RNLS: variants seen among roughly 807,000 people sequenced by gnomAD.
RNLS encodes the protein renalase, FAD dependent amine oxidase, also known as renalase.
Under a neutral mutation model 39.8 loss-of-function variants are expected in RNLS, and 39 were observed. The ratio of observed to expected loss-of-function variants is 0.98; its 90% CI spans 0.76 to 1.28. The LOEUF (loss-of-function observed/expected upper bound fraction) is 1.28. Among genes scored for constraint, RNLS ranks in the 50% most tolerant of loss-of-function variants. RNLS has a pLI of 0.00. For missense variants in RNLS, 410 were observed against 413.3 expected, an observed-to-expected ratio of 0.99 and a Z score of 0.07; for synonymous variants, 147 against 150.7, an observed-to-expected ratio of 0.98 and a Z score of 0.18.
chr10:88,545,024 G>A (rs1461803593), intron 4 of RNLS, among the ~76,000 whole-genome samples: 2 of 152,030 alleles, frequency 1.3e-5, no homozygotes, highest in African/African-American at 4.8e-5. Flanking sequence ...TACACTCCAG[G>A]GTGTGTTATC....
At chr10:88,489,049 T>TTCTG (rs1844740263) in intron 4 of RNLS, among the ~76,000 whole-genome samples, 1 of 152,164 alleles carries the variant, frequency 6.6e-6, no homozygotes, top group South Asian at 2.1e-4. Flanking sequence ...AATTCAAGCA[T>TTCTG]TCTGAGTCCT....
chr10:88,522,161 A>G (rs1846788636), intron 4 of RNLS, among the ~76,000 whole-genome samples: 1 of 152,120 alleles, frequency 6.6e-6, no homozygotes, highest in Admixed American at 6.6e-5. Context: ...ATAAGGTTGT[A>G]GTGTGATTCC....
chr10:88,212,632 C>G, the RNLS span, among the ~76,000 whole-genome samples: 6 of 152,194 alleles, frequency 3.9e-5, no homozygotes, highest in African/African-American at 1.4e-4. Context: ...TGTTTTCCAA[C>G]ATAGAGACAG....
rs530142779 is a variant in RNLS, at chr10:88,433,890, G to T, written c.527-71165C>A. On this transcript the variant is annotated intron_variant, in intron 4 of 6. Transcript: ENST00000331772. Reference sequence around the variant, plus strand: ...TATGCTTATAATTATTTCATCCCAGGCTTGCTATTTTATCTCTGGTTGATA... The same window carrying T: ...TATGCTTATAATTATTTCATCCCAGTCTTGCTATTTTATCTCTGGTTGATA... Among the ~76,000 whole-genome samples, 5 of 152,152 alleles carry T rather than the reference G, an allele frequency of 3.3e-5. No individual in the cohort carries two copies. The South Asian group carries it at 6.2e-4, about 19-fold the overall frequency.
At chr10:88,191,299 T>C in the RNLS span, among the ~76,000 whole-genome samples, 2 of 152,306 alleles carry the variant, frequency 1.3e-5, no homozygotes, top group African/African-American at 4.8e-5. Context: ...AGTTAAGGAA[T>C]TACAGCCTGT....
intron 1 of RNLS, among the ~76,000 whole-genome samples, chr10:88,582,772 C>T (rs1268078496): frequency 2.6e-5 from 4 of 152,246 alleles, no homozygotes; most frequent in Non-Finnish European, 5.9e-5. Flanking sequence ...TTTGCAAACT[C>T]GGGTCGGGGC....
At chr10:88,548,289 A>AAAAAAAAG (rs1554927072) in intron 4 of RNLS, among the ~76,000 whole-genome samples, 8 of 80,202 alleles carry the variant, frequency 1.0e-4, no homozygotes, top group African/African-American at 4.0e-4. Flanking sequence ...AAAAAAAAAA[A>AAAAAAAAG]AAAAGAAAAG....
At chr10:88,405,500 G>T (rs1458161788) in intron 4 of RNLS, among the ~76,000 whole-genome samples, 1 of 151,986 alleles carries the variant, frequency 6.6e-6, no homozygotes, top group Non-Finnish European at 1.5e-5. Context: ...TATTTTGTCT[G>T]ATATAAGAAT....
chr10:88,548,259 C>T (rs1361618119), intron 4 of RNLS, among the ~76,000 whole-genome samples: 1 of 9,568 alleles, frequency 1.0e-4, no homozygotes. Flanking sequence ...AAGACTCCGT[C>T]TCAAAAAAAA....
At chr10:88,513,994 C>T (rs766718432) in intron 4 of RNLS, among the ~76,000 whole-genome samples, 20 of 151,426 alleles carry the variant, frequency 1.3e-4, no homozygotes, top group African/African-American at 2.9e-4. Flanking sequence ...TTGGGTACAA[C>T]GTTCTATCGA....
At chr10:88,474,453 A>C (rs1345601096) in intron 4 of RNLS, among the ~76,000 whole-genome samples, 1 of 152,126 alleles carries the variant, frequency 6.6e-6, no homozygotes, top group African/African-American at 2.4e-5. Context: ...CAGCATTCCC[A>C]CCTCCAGTAT....
chr10:88,420,064 G>A (rs774527486), intron 4 of RNLS, among the ~76,000 whole-genome samples: 18 of 121,950 alleles, frequency 1.5e-4, no homozygotes, highest in Admixed American at 2.7e-4. Context: ...ATAAATGAAT[G>A]AATAAATAAA....
intron 4 of RNLS, among the ~76,000 whole-genome samples, chr10:88,510,089 G>A (rs1304414752): frequency 6.6e-6 from 1 of 152,104 alleles, no homozygotes; most frequent in Non-Finnish European, 1.5e-5. Flanking sequence ...AATAATTTAG[G>A]ATTAGAAGTC....
chr10:88,437,243 G>T (rs749616105), intron 4 of RNLS, among the ~76,000 whole-genome samples: 33 of 152,164 alleles, frequency 2.2e-4, no homozygotes, highest in Non-Finnish European at 3.5e-4. Context: ...GAGAAGGCGG[G>T]AAGTCATCTT....
intron 4 of RNLS, among the ~76,000 whole-genome samples, chr10:88,417,084 C>G (rs1409851993): frequency 2.6e-5 from 4 of 152,168 alleles, no homozygotes; most frequent in Non-Finnish European, 4.4e-5. Context: ...TCTGGCCTTC[C>G]TAGACTTTAT....
At chr10:88,281,298 G>A (rs1229907597), downstream of RNLS, among the ~76,000 whole-genome samples, 2 of 152,180 alleles carry the variant, frequency 1.3e-5, no homozygotes, top group Non-Finnish European at 2.9e-5. Flanking sequence ...GTGTGGAGGG[G>A]AGGGATATTG....
At chr10:88,250,804 A>G in the RNLS span, among the ~76,000 whole-genome samples, 5 of 152,222 alleles carry the variant, frequency 3.3e-5, no homozygotes, top group Non-Finnish European at 7.3e-5. Context: ...ATTAACTCAA[A>G]CTTCAATAGC....
intron 4 of RNLS, among the ~76,000 whole-genome samples, chr10:88,366,488 T>G (rs951644433): frequency 1.3e-5 from 2 of 151,042 alleles, no homozygotes; most frequent in African/African-American, 4.9e-5. Context: ...GTGTATATAC[T>G]CTTAAATAAA....
chr10:88,386,559 C>A (rs901434087), intron 4 of RNLS, among the ~76,000 whole-genome samples: 1 of 152,152 alleles, frequency 6.6e-6, no homozygotes, highest in African/African-American at 2.4e-5. Context: ...CCTTATCAAA[C>A]GTCTTTAGGG....
Sources: allele counts gnomAD v4.1 joint callset (sites outside exome capture counted in the v4.1 genomes callset), GRCh38; gene constraint gnomAD v4.1.1; transcripts MANE v1.5; gene names NCBI Gene and HGNC (gene_info 2026-07-23, HGNC 2026-07-21).